SOX5: variants seen among roughly 807,000 people sequenced by gnomAD.
SOX5 encodes the protein transcription factor SOX-5.
Under a neutral mutation model 92.0 loss-of-function variants are expected in SOX5, and 9 were observed. The ratio of observed to expected loss-of-function variants is 0.10; its 90% CI spans 0.06 to 0.17. The LOEUF (loss-of-function observed/expected upper bound fraction) is 0.17, where lower values mean the gene tolerates loss of function less well. Ranked by LOEUF, SOX5 falls within the 10% of genes least tolerant of loss-of-function variation. SOX5 has a pLI of 1.00. For synonymous variants in SOX5, 344 were observed against 336.3 expected, an observed-to-expected ratio of 1.02 and a Z score of -0.25; for missense variants, 642 against 944.5, an observed-to-expected ratio of 0.68 and a Z score of 4.20.
rs181049226 is a variant in SOX5, at chr12:24,325,495, T to C, written c.-174+43068A>G. ...AAGACCAAGATGGCAGGATACACAA[T>C]GAGCCTTGATTTAGAAAAGGACGGG... On this transcript the variant is annotated intron_variant, in intron 2 of 4. Transcript: ENST00000446891. 3.5e-4 allele frequency among the ~76,000 whole-genome samples: 54 copies of C among 152,212 alleles called. No individual in the cohort carries two copies. In the East Asian group the frequency reaches 9.7e-3, roughly 27 times the overall value.
At chr12:24,238,192 T>A (rs1964883439) in intron 3 of SOX5, among the ~76,000 whole-genome samples, 1 of 152,090 alleles carries the variant, frequency 6.6e-6, no homozygotes, top group Non-Finnish European at 1.5e-5. Flanking sequence ...AAAGAAAGGA[T>A]TACAGATGAA....
At chr12:24,371,633 T>C (rs1956752016) in intron 1 of SOX5, among the ~76,000 whole-genome samples, 1 of 152,210 alleles carries the variant, frequency 6.6e-6, no homozygotes, top group African/African-American at 2.4e-5. Context: ...TTCCTGAAAC[T>C]GACAATTCTT....
intron 2 of SOX5, among the ~76,000 whole-genome samples, chr12:23,864,820 A>G (rs1167591535): frequency 6.6e-6 from 1 of 152,266 alleles, no homozygotes; most frequent in Admixed American, 6.5e-5. Flanking sequence ...AGCTGCAGCA[A>G]GTCATCCAGA....
At chr12:23,884,605 T>C (rs1260123015) in intron 2 of SOX5, among the ~76,000 whole-genome samples, 1 of 152,222 alleles carries the variant, frequency 6.6e-6, no homozygotes, top group Non-Finnish European at 1.5e-5. Context: ...GTTCAAGCTA[T>C]TTATTCTGAT....
At chr12:24,163,803 C>A (rs1160111566) in intron 4 of SOX5, among the ~76,000 whole-genome samples, 1 of 151,936 alleles carries the variant, frequency 6.6e-6, no homozygotes, top group Admixed American at 6.6e-5. Context: ...GTATGGGTCT[C>A]TCTCTCTCTT....
At chr12:24,182,138 T>C (rs1052173410) in intron 4 of SOX5, among the ~76,000 whole-genome samples, 4 of 152,146 alleles carry the variant, frequency 2.6e-5, no homozygotes, top group African/African-American at 7.2e-5. Context: ...AAGGAAAACA[T>C]ATTTTAGAGG....
rs187560883 is a variant in SOX5 at position 23,819,756 on chromosome 12, C to G, written c.481+26227G>C. Among the ~76,000 whole-genome samples, 7 of 152,258 alleles carry G rather than the reference C, an allele frequency of 4.6e-5. No homozygotes were observed. In the East Asian group the frequency reaches 1.4e-3, roughly 29 times the overall value. On this transcript the variant is annotated intron_variant, in intron 3 of 14. Coordinates refer to ENST00000451604, the MANE Select transcript of SOX5 (RefSeq NM_006940.6). ...TCCATGTCCCTGCAAAGGACATGAA[C>G]TCATTTTTCTTTTTTACGGCTGCAT...
intron 3 of SOX5, among the ~76,000 whole-genome samples, chr12:23,755,928 C>T (rs540006782): frequency 5.3e-5 from 8 of 151,870 alleles, no homozygotes; most frequent in East Asian, 3.9e-4. Context: ...TTTCCTCTTG[C>T]GGAACAAAGC....
chr12:24,326,202 A>G (rs1950662963), intron 2 of SOX5, among the ~76,000 whole-genome samples: 1 of 152,162 alleles, frequency 6.6e-6, no homozygotes. Context: ...CAAAAAAACT[A>G]AAGAAAAATC....
chr12:24,504,497 A>T (rs1320479215), intron 1 of SOX5, among the ~76,000 whole-genome samples: 3 of 152,230 alleles, frequency 2.0e-5, no homozygotes, highest in African/African-American at 7.2e-5. Flanking sequence ...ACTTTAAGAA[A>T]AATTAATACT....
At chr12:23,683,983 C>T (rs747345729) in intron 6 of SOX5, among the ~76,000 whole-genome samples, 11 of 151,752 alleles carry the variant, frequency 7.2e-5, no homozygotes, top group Non-Finnish European at 1.2e-4. Context: ...AGACAGATGT[C>T]GAGAGACACA....
At chr12:24,095,148 GAGAGAGAGACAGAGAC>G (rs1225531575) in intron 4 of SOX5, among the ~76,000 whole-genome samples, 68 of 147,798 alleles carry the variant, frequency 4.6e-4, no homozygotes, top group African/African-American at 1.6e-3. Flanking sequence ...GAGAGAGAGA[GAGAGAGAGACAGAGAC>G]AGAGAGACAG....
intron 4 of SOX5, among the ~76,000 whole-genome samples, chr12:24,049,301 G>A (rs1403347782): frequency 1.3e-5 from 2 of 152,140 alleles, no homozygotes; most frequent in Non-Finnish European, 2.9e-5. Context: ...TTGAGACCAA[G>A]GCGTGATGAA....
At chr12:23,959,782 T>G (rs990325548) in intron 4 of SOX5, among the ~76,000 whole-genome samples, 2 of 152,178 alleles carry the variant, frequency 1.3e-5, no homozygotes, top group African/African-American at 4.8e-5. Context: ...AGATGAAAGA[T>G]GCTCAACATC....
intron 2 of SOX5, among the ~76,000 whole-genome samples, chr12:23,879,675 C>G (rs1392119797): frequency 6.6e-6 from 1 of 152,072 alleles, no homozygotes; most frequent in African/African-American, 2.4e-5. Flanking sequence ...GGGAAGGAGA[C>G]AGTGAGTAGG....
intron 2 of SOX5, among the ~76,000 whole-genome samples, chr12:24,350,410 T>C (rs760867126): frequency 6.6e-6 from 1 of 152,176 alleles, no homozygotes; most frequent in Non-Finnish European, 1.5e-5. Context: ...GAGTGCACGA[T>C]CACAGCTCAC....
At chr12:23,844,276 C>T (rs762661175) in intron 3 of SOX5, among the ~76,000 whole-genome samples, 6 of 152,142 alleles carry the variant, frequency 3.9e-5, no homozygotes, top group African/African-American at 1.4e-4. Context: ...ATTCAAAATC[C>T]GAAGTATGGT....
chr12:23,952,940 C>A (rs10505918), upstream of SOX5, among the ~76,000 whole-genome samples: 54,636 of 151,884 alleles, frequency 0.36, 10,545 homozygotes, highest in Non-Finnish European at 0.44. Flanking sequence ...ATAAACTGAT[C>A]CTCCAGAATT....
chr12:23,892,108 C>T (rs1260430521), intron 2 of SOX5, among the ~76,000 whole-genome samples: 1 of 151,902 alleles, frequency 6.6e-6, no homozygotes, highest in Non-Finnish European at 1.5e-5. Flanking sequence ...AAAAGGCAGA[C>T]ATGTAAATAA....
Sources: allele counts gnomAD v4.1 joint callset (sites outside exome capture counted in the v4.1 genomes callset), GRCh38; gene constraint gnomAD v4.1.1; transcripts MANE v1.5; gene names NCBI Gene and HGNC (gene_info 2026-07-23, HGNC 2026-07-21).